Variants in TMEM245 observed in about 807,000 individuals in gnomAD.
The protein encoded by TMEM245 is protein CG-2.
TMEM245 carries 69 observed loss-of-function variants against 101.2 expected under a neutral mutation model. The ratio of observed to expected loss-of-function variants is 0.68; its 90% confidence interval spans 0.56 to 0.83. The LOEUF (loss-of-function observed/expected upper bound fraction) is 0.83. Among genes scored for constraint, TMEM245 ranks in the 40% least tolerant of loss-of-function variants. TMEM245 has a pLI of 0.00. For synonymous variants in TMEM245, 537 were observed against 449.8 expected, an observed-to-expected ratio of 1.19 and a Z score of -2.45; for missense variants, 1,075 against 1,092.8, an observed-to-expected ratio of 0.98 and a Z score of 0.23.
At chr9:109,020,743 G>A (rs564241653) in intron 17 of TMEM245, among the ~76,000 whole-genome samples, 4 of 152,296 alleles carry the variant, frequency 2.6e-5, no homozygotes, top group Admixed American at 2.0e-4. Flanking sequence ...ACATGACCAC[G>A]TGACTACGCT....
At chr9:109,069,402 G>A (rs1190291881) in intron 9 of TMEM245, among the ~76,000 whole-genome samples, 1 of 152,106 alleles carries the variant, frequency 6.6e-6, no homozygotes, top group Non-Finnish European at 1.5e-5. Context: ...TAGATCCCAG[G>A]TGGCTCCTTC....
At chr9:109,061,272 C>T (rs72760329) in intron 10 of TMEM245, among the ~76,000 whole-genome samples, 20,269 of 152,002 alleles carry the variant, frequency 0.13, 1,583 homozygotes, top group African/African-American at 0.19. Flanking sequence ...GCCGTGATCA[C>T]GCCAACATGC....
intron 1 of TMEM245, among the ~76,000 whole-genome samples, chr9:109,112,464 C>A (rs1444808447): frequency 1.3e-5 from 2 of 151,064 alleles, no homozygotes; most frequent in East Asian, 2.0e-4. Context: ...TCGCTTGAAC[C>A]CAGGAGGTGG....
At chr9:109,034,146 G>A (rs1001101615) in intron 16 of TMEM245, among the ~76,000 whole-genome samples, 2 of 152,156 alleles carry the variant, frequency 1.3e-5, no homozygotes, top group African/African-American at 4.8e-5. Context: ...ATAGCACATT[G>A]ATAATGACAA....
chr9:109,020,243 C>G lies in TMEM245; in HGVS notation c.*217G>C. On this transcript the variant is annotated 3_prime_UTR_variant, in exon 18 of 18. Coordinates refer to ENST00000374586, the MANE Select transcript of TMEM245 (RefSeq NM_032012.4). Reference sequence around the variant, plus strand: ...TCTTAACAACAGTTAAGTGAGCAAACCACCAACTCTGAACTCTCAAGCTGT... The same window carrying G: ...TCTTAACAACAGTTAAGTGAGCAAAGCACCAACTCTGAACTCTCAAGCTGT... 4 of 601,826 alleles carry G rather than the reference C, an allele frequency of 6.6e-6. No homozygotes were observed. The South Asian group carries it at 7.5e-5, about 11-fold the overall frequency. The allele number at this position is 601,826 out of a possible 1,614,324, so 37.3% of individuals were successfully genotyped here.
intron 8 of TMEM245, among the ~76,000 whole-genome samples, chr9:109,080,610 C>T (rs1428962169): frequency 6.6e-6 from 1 of 151,622 alleles, no homozygotes; most frequent in Non-Finnish European, 1.5e-5. Context: ...GTATTTACTC[C>T]CAAGGGTTTC....
chr9:109,038,152 A>C, intron 14 of TMEM245, 35 bp from the exon 15 acceptor site: 1 of 1,539,188 alleles, frequency 6.5e-7, no homozygotes, highest in Non-Finnish European at 8.9e-7. Flanking sequence ...AAGAGTAAAT[A>C]AACAGTGTCA....
At chr9:109,050,541 A>T in intron 13 of TMEM245, 29 bp downstream of exon 13, 1 of 1,613,896 alleles carries the variant, frequency 6.2e-7, no homozygotes, top group South Asian at 1.1e-5. Flanking sequence ...GGAAGGAAAT[A>T]TGACGTGTAC....
At chr9:109,067,965 C>A (rs1829217524) in intron 9 of TMEM245, among the ~76,000 whole-genome samples, 1 of 152,188 alleles carries the variant, frequency 6.6e-6, no homozygotes, top group Non-Finnish European at 1.5e-5. Context: ...ATGCAGGAAA[C>A]CATTATCATT....
chr9:109,038,037 T>C lies in TMEM245; in HGVS notation c.2204A>G (p.Asn735Ser), dbSNP rs530638130. Residue 735 changes from asparagine (N) to serine (S), a missense_variant, in exon 15 of 18, where the codon AAT becomes AGT. By Grantham distance (46) the Asn-to-Ser change is conservative (BLOSUM62 1). This residue lies in a region of TMEM245 where 267 missense variants were observed against 351.3 expected (regional missense o/e 0.76). Coordinates refer to ENST00000374586, the MANE Select transcript of TMEM245 (RefSeq NM_032012.4). ...GTTACCTGATGGTATGAAGACAATA[T>C]TGATGCCAAACATAGTATGAGTCAG... ...TWLTHTMFGI[N>S]IVFIPSALAA... 3.1e-6 allele frequency: 5 copies of C among 1,612,330 alleles called. No homozygotes were observed. In the Admixed American group the frequency reaches 6.7e-5, roughly 22 times the overall value.
chr9:109,092,621 T>C (rs868207574), intron 4 of TMEM245, among the ~76,000 whole-genome samples: 19 of 152,366 alleles, frequency 1.2e-4, no homozygotes, highest in Admixed American at 2.0e-4. Context: ...AAAATAAGTG[T>C]TCCTACTACA....
At chr9:109,058,295 C>A (rs1349491838) in intron 11 of TMEM245, among the ~76,000 whole-genome samples, 2 of 151,914 alleles carry the variant, frequency 1.3e-5, no homozygotes, top group African/African-American at 2.4e-5. Flanking sequence ...TGAGCCACCA[C>A]GCCCAGCCCT....
intron 9 of TMEM245, among the ~76,000 whole-genome samples, chr9:109,067,994 C>T (rs1829218788): frequency 6.6e-6 from 1 of 152,178 alleles, no homozygotes; most frequent in African/African-American, 2.4e-5. Context: ...CCGACCCCTA[C>T]TATTTCCAAT....
intron 5 of TMEM245, among the ~76,000 whole-genome samples, chr9:109,087,813 C>T (rs1398073253): frequency 2.0e-5 from 3 of 152,332 alleles, no homozygotes; most frequent in Non-Finnish European, 2.9e-5. Context: ...GTATTCCATA[C>T]GCATCATGAT....
intron 9 of TMEM245, among the ~76,000 whole-genome samples, chr9:109,071,183 C>T (rs143011698): frequency 4.7e-4 from 72 of 152,152 alleles, no homozygotes; most frequent in African/African-American, 1.7e-3. Flanking sequence ...CCGCACCTGG[C>T]CAACATACTT....
At chr9:109,101,495 C>T (rs1389026922) in intron 3 of TMEM245, among the ~76,000 whole-genome samples, 2 of 151,860 alleles carry the variant, frequency 1.3e-5, no homozygotes, top group African/African-American at 2.4e-5. Flanking sequence ...TAAAAAGAAA[C>T]GATGTTCTTA....
chr9:109,114,211 T>G (rs1240106166), intron 1 of TMEM245, among the ~76,000 whole-genome samples: 5 of 152,242 alleles, frequency 3.3e-5, no homozygotes, highest in African/African-American at 1.2e-4. Flanking sequence ...GTGAAAACCA[T>G]TCTCTTTGTC....
At chr9:109,024,812 A>G (rs1269390922) in intron 17 of TMEM245, among the ~76,000 whole-genome samples, 2 of 152,252 alleles carry the variant, frequency 1.3e-5, no homozygotes, top group African/African-American at 4.8e-5. Context: ...AGTAGAGAGA[A>G]GAAAGGCATG....
At chr9:109,037,523 A>C (rs975207097) in intron 15 of TMEM245, among the ~76,000 whole-genome samples, 4 of 152,102 alleles carry the variant, frequency 2.6e-5, no homozygotes, top group African/African-American at 9.7e-5. Context: ...TGCTGTTCTC[A>C]TGATAGTGAA....
Sources: gnomAD v4.1 joint callset for allele counts (sites outside exome capture counted in the v4.1 genomes callset) on GRCh38, gnomAD v4.1.1 for gene constraint, gnomAD v4.1.1 regional missense constraint, MANE v1.5 for transcripts, NCBI Gene and HGNC (gene_info 2026-07-23, HGNC 2026-07-21) for gene names.